ZNF546: variants seen among roughly 807,000 people sequenced by gnomAD.
ZNF546 encodes zinc finger protein 546, also known as CTC-471F3.6.
A neutral mutation model predicts 76.2 loss-of-function variants in ZNF546; 60 were observed. The observed-to-expected ratio is 0.79, with a 90% confidence interval of 0.64 to 0.98. The LOEUF (loss-of-function observed/expected upper bound fraction) is 0.98, where lower values mean the gene tolerates loss of function less well. Among genes scored for constraint, ZNF546 ranks in the 50% least tolerant of loss-of-function variants. The probability of loss-of-function intolerance (pLI) is 0.00; values close to 1 mark genes in which losing one functional copy is unlikely to be tolerated. For missense variants in ZNF546, 936 were observed against 1,035.6 expected, an observed-to-expected ratio of 0.90 and a Z score of 1.32; for synonymous variants, 277 against 328.1, an observed-to-expected ratio of 0.84 and a Z score of 1.68.
intron 6 of ZNF546, among the ~76,000 whole-genome samples, chr19:40,013,035 G>A (rs781051375): frequency 6.6e-5 from 10 of 151,862 alleles, no homozygotes; most frequent in South Asian, 6.2e-4. Flanking sequence ...GGATGGTCTC[G>A]ATCTCCTGAC....
At chr19:40,006,517 G>A (rs1311512699) in intron 4 of ZNF546, among the ~76,000 whole-genome samples, 1 of 152,176 alleles carries the variant, frequency 6.6e-6, no homozygotes, top group South Asian at 2.1e-4. Context: ...ATTTCCAAGG[G>A]ATGAATAAGA....
At chr19:40,002,671 A>T (rs1184540060) in intron 3 of ZNF546, among the ~76,000 whole-genome samples, 1 of 151,788 alleles carries the variant, frequency 6.6e-6, no homozygotes, top group Non-Finnish European at 1.5e-5. Flanking sequence ...AGCACCTGAA[A>T]TATGGCTAGT....
Position 40,018,110 on chromosome 19 carries a change from A to G in ZNF546, c.*2329A>G, listed in dbSNP as rs1971802143. The G allele has an allele frequency of 6.6e-6, 1 of 151,130 alleles. No homozygotes were observed. 9.4% of individuals were successfully genotyped at this position (151,130 alleles called of 1,614,324 possible). Reference sequence around the variant, plus strand: ...CTCAGCCTCCCCAGTAGCTGGGACTACAGGCGCCTTCAACCATGCCCGGCT... The same window carrying G: ...CTCAGCCTCCCCAGTAGCTGGGACTGCAGGCGCCTTCAACCATGCCCGGCT... On this transcript the variant is annotated 3_prime_UTR_variant, in exon 7 of 7. Transcript: ENST00000347077.
chr19:40,015,878 C>A lies in ZNF546; in HGVS notation c.*97C>A, dbSNP rs2144653828. The A allele has an allele frequency of 9.3e-7, 1 of 1,073,986 alleles. No individual in the cohort carries two copies. Among genetic ancestry groups the A allele is most frequent in the East Asian group, 2.4e-5 (1 of 41,376 alleles). The allele number at this position is 1,073,986 out of a possible 1,614,324, so 66.5% of individuals were successfully genotyped here. On this transcript the variant is annotated 3_prime_UTR_variant, in exon 7 of 7. Coordinates refer to ENST00000347077, the MANE Select transcript of ZNF546 (RefSeq NM_178544.5). Reference sequence around the variant, plus strand: ...ACGGAACATGTGGGAATCCCTTTTACTTCATGCTCACAATTTATCAGAAAT... The same window carrying A: ...ACGGAACATGTGGGAATCCCTTTTAATTCATGCTCACAATTTATCAGAAAT...
chr19:40,011,686 A>G (rs1028385849), intron 6 of ZNF546, among the ~76,000 whole-genome samples: 1 of 152,258 alleles, frequency 6.6e-6, no homozygotes, highest in African/African-American at 2.4e-5. Flanking sequence ...AAAGAAATCT[A>G]TAAGTCAGTA....
At chr19:40,009,461 G>A (rs575684582) in intron 6 of ZNF546, among the ~76,000 whole-genome samples, 2 of 152,280 alleles carry the variant, frequency 1.3e-5, no homozygotes, top group South Asian at 4.1e-4. Context: ...AGTATAAAAT[G>A]TACTCATTTT....
intron 3 of ZNF546, 57 bp downstream of exon 3, chr19:39,998,467 T>C (rs1971484600): frequency 7.2e-7 from 1 of 1,396,744 alleles, no homozygotes; most frequent in South Asian, 1.2e-5. Context: ...TTGAGATTAA[T>C]GTTTAGGTAG....
intron 6 of ZNF546, among the ~76,000 whole-genome samples, chr19:40,009,745 G>C (rs1971649566): frequency 6.6e-6 from 1 of 151,984 alleles, no homozygotes; most frequent in Admixed American, 6.6e-5. Context: ...ATTATATGGT[G>C]ATTTTTTTCT....
chr19:40,014,638 T>G lies in ZNF546; in HGVS notation c.1368T>G (p.Leu456=). Residue 456 remains leucine, a synonymous_variant, in exon 7 of 7, where the codon CTT becomes CTG. Transcript: ENST00000347077. ...CGKAFRLQTE[L]TRHHRTHTGE... ...AAGCCTTTCGTCTTCAAACGGAACT[T>G]ACTCGGCATCATAGAACTCATACTG... The G allele has an allele frequency of 6.2e-7, 1 of 1,613,380 alleles. No individual in the cohort carries two copies. Among genetic ancestry groups the G allele is most frequent in the Middle Eastern group, 1.7e-4 (1 of 6,056 alleles).
chr19:40,015,682 C>G lies in ZNF546; in HGVS notation c.2412C>G (p.Pro804=). 6.2e-7 allele frequency: 1 copy of G among 1,614,178 alleles called. No individual in the cohort carries two copies. The highest frequency in any genetic ancestry group is 8.5e-7 in the Non-Finnish European group (1 of 1,180,020). ...ACAGAATTCATACTGGTGAAAAACCCTATCAATGTAAAGAATGTGGAAAAG... is the reference window on the plus strand; with the variant it reads ...ACAGAATTCATACTGGTGAAAAACCGTATCAATGTAAAGAATGTGGAAAAG... ...RHHRIHTGEK[P]YQCKECGKAF... is the part of the protein sequence containing the mutation. Residue 804 remains proline (P), a synonymous_variant, in exon 7 of 7, where the codon CCC becomes CCG. Transcript: ENST00000347077.
Position 40,002,946 on chromosome 19 carries a change from C to T in ZNF546, c.85-3150C>T, listed in dbSNP as rs575031503. Among the ~76,000 whole-genome samples the T allele has an allele frequency of 8.5e-5, 13 of 152,264 alleles. No homozygotes were observed. In the South Asian group the frequency reaches 2.3e-3, roughly 27 times the overall value. On this transcript the variant is annotated intron_variant, in intron 3 of 6. Coordinates refer to ENST00000347077, the MANE Select transcript of ZNF546 (RefSeq NM_178544.5). Reference sequence around the variant, plus strand: ...AACTCCTGACCTCAAAAGATCCGCCCACCTTGGCCTCCCAAAGTCCTGGGA... The same window carrying T: ...AACTCCTGACCTCAAAAGATCCGCCTACCTTGGCCTCCCAAAGTCCTGGGA...
intron 3 of ZNF546, among the ~76,000 whole-genome samples, chr19:40,002,286 G>A (rs1290260559): frequency 2.0e-5 from 3 of 152,096 alleles, no homozygotes; most frequent in Non-Finnish European, 4.4e-5. Context: ...ATTATAAGTT[G>A]TTATATGATA....
chr19:40,010,065 A>T (rs1461127276), intron 6 of ZNF546, among the ~76,000 whole-genome samples: 1 of 152,100 alleles, frequency 6.6e-6, no homozygotes, highest in African/African-American at 2.4e-5. Flanking sequence ...ATCATATGAT[A>T]AATATATGTC....
Position 40,007,539 on chromosome 19 carries a change from G to A in ZNF546, c.298+139G>A, listed in dbSNP as rs1599741523. ...TCATAGTTTCAGCAGTGTTGGGGTG[G>A]AAATGGGCACCTGTGTTAAGCAACT... On this transcript the variant is annotated intron_variant, in intron 5 of 6. Transcript: ENST00000347077. 1.5e-5 allele frequency: 13 copies of A among 879,682 alleles called. No homozygotes were observed. In the East Asian group the frequency reaches 4.1e-4, roughly 28 times the overall value. 54.5% of individuals were successfully genotyped at this position (879,682 alleles called of 1,614,324 possible).
chr19:40,018,626 C>G lies in ZNF546; in HGVS notation c.*2845C>G, dbSNP rs927874360. On this transcript the variant is annotated 3_prime_UTR_variant, in exon 7 of 7. Coordinates refer to ENST00000347077, the MANE Select transcript of ZNF546 (RefSeq NM_178544.5). ...GGGCCTGTGTTTATGGCAGGAATAA[C>G]ACTGTGATTTCCACGACTAAGTCAT... 1 of 152,104 alleles carries G rather than the reference C, an allele frequency of 6.6e-6. No homozygotes were observed. Among genetic ancestry groups the G allele is most frequent in the Non-Finnish European group, 1.5e-5 (1 of 67,962 alleles). The allele number at this position is 152,104 out of a possible 1,614,324, so 9.4% of individuals were successfully genotyped here.
Position 39,998,397 on chromosome 19 carries a change from C to T in ZNF546, c.71C>T (p.Ser24Leu), listed in dbSNP as rs1971483270. 6.2e-7 allele frequency: 1 copy of T among 1,613,698 alleles called. No individual in the cohort carries two copies. Among genetic ancestry groups the T allele is most frequent in the Non-Finnish European group, 8.5e-7 (1 of 1,179,682 alleles). ...ATTTTTCAAATCATTCCTCTGCACT[C>T]ACTTTCTATAATGGTAGAGAAATGC... ...FLIFQIIPLH[S>L]LSIMPRFLWI... The change falls in exon 3 of 7, where the codon TCA (serine) becomes TTA (leucine). Residue 24 changes from serine to leucine, a missense_variant. Transcript: ENST00000347077.
Position 40,015,689 on chromosome 19 carries a change from T to C in ZNF546, c.2419T>C (p.Cys807Arg), listed in dbSNP as rs925722828. ...RIHTGEKPYQ[C>R]KECGKAFIRS... Reference sequence around the variant, plus strand: ...TCATACTGGTGAAAAACCCTATCAATGTAAAGAATGTGGAAAAGCCTTTAT... The same window carrying C: ...TCATACTGGTGAAAAACCCTATCAACGTAAAGAATGTGGAAAAGCCTTTAT... The change falls in exon 7 of 7, where the codon TGT (cysteine) becomes CGT (arginine). Residue 807 changes from cysteine (C) to arginine (R), a missense_variant. Physicochemically the swap from Cys to Arg is radical, Grantham distance 180 (BLOSUM62 -3). Transcript: ENST00000347077. 1.9e-6 allele frequency: 3 copies of C among 1,614,056 alleles called. No individual in the cohort carries two copies. Among genetic ancestry groups the C allele is most frequent in the Admixed American group, 3.3e-5 (2 of 60,010 alleles).
Position 40,015,611 on chromosome 19 carries a change from G to T in ZNF546, c.2341G>T (p.Glu781Ter). Reference sequence around the variant, plus strand: ...GGGTGAGAAACCCTATAAATGTAAAGAATGTGGGAAAGCCTTCAGTGTTAA... The same window carrying T: ...GGGTGAGAAACCCTATAAATGTAAATAATGTGGGAAAGCCTTCAGTGTTAA... ...HTGEKPYKCK[E>*]CGKAFSVNSE... The change falls in exon 7 of 7, where the codon GAA becomes TAA. Residue 781 changes from glutamate (E) to a stop codon, truncating the protein, a stop_gained. Coordinates refer to ENST00000347077, the MANE Select transcript of ZNF546 (RefSeq NM_178544.5). LOFTEE classifies it high-confidence loss of function. The T allele has an allele frequency of 1.2e-6, 2 of 1,614,078 alleles. No individual in the cohort carries two copies. Among genetic ancestry groups the T allele is most frequent in the South Asian group, 2.2e-5 (2 of 91,078 alleles).
chr19:40,008,731 T>C lies in ZNF546; in HGVS notation c.394+166T>C, dbSNP rs550699587. ...GCATTCAGATTCTCTCTACATTAGC[T>C]ACCAAAGGAACTTTACCCAATTTGC... On this transcript the variant is annotated intron_variant, in intron 6 of 6. Coordinates refer to ENST00000347077, the MANE Select transcript of ZNF546 (RefSeq NM_178544.5). 9.2e-5 allele frequency among the ~76,000 whole-genome samples: 14 copies of C among 152,350 alleles called. 1 individual carries two copies. The highest frequency in any genetic ancestry group is 1.3e-4 in the Admixed American group (2 of 15,304).
Sources: gnomAD v4.1 joint callset for allele counts (sites outside exome capture counted in the v4.1 genomes callset) on GRCh38, gnomAD v4.1.1 for gene constraint, MANE v1.5 for transcripts, NCBI Gene and HGNC (gene_info 2026-07-23, HGNC 2026-07-21) for gene names.